The following PTK2 variants were observed in gnomAD, a reference collection of about 807,000 sequenced individuals.
The protein encoded by PTK2 is focal adhesion kinase 1.
PTK2 carries 45 observed loss-of-function variants against 150.1 expected under a neutral mutation model. The ratio of observed to expected loss-of-function variants is 0.30; its 90% CI spans 0.24 to 0.38. The LOEUF (loss-of-function observed/expected upper bound fraction) is 0.38, where lower values mean the gene tolerates loss of function less well. PTK2 is among the 10% of genes least tolerant of loss of function. PTK2 has a pLI of 1.00. For synonymous variants in PTK2, 432 were observed against 449.2 expected (o/e 0.96, Z 0.48); for missense variants, 919 against 1,307.3 (o/e 0.70, Z 4.58).
At chr8:140,897,504 CTG>C (rs2100156775) in intron 2 of PTK2, among the ~76,000 whole-genome samples, 1 of 152,198 alleles carries the variant, frequency 6.6e-6, no homozygotes, top group Non-Finnish European at 1.5e-5. Flanking sequence ...CCGGGAAGGT[CTG>C]TGTCTGATGC....
chr8:140,677,553 A>G (rs1164706561), intron 27 of PTK2, among the ~76,000 whole-genome samples: 1 of 152,252 alleles, frequency 6.6e-6, no homozygotes, highest in East Asian at 1.9e-4. Flanking sequence ...AAAATAATGA[A>G]CTGGCTAATA....
intron 5 of PTK2, 99 bp downstream of exon 5, chr8:140,864,213 C>A: frequency 1.5e-6 from 1 of 649,860 alleles, no homozygotes; most frequent in South Asian, 3.7e-5. Context: ...ATTTCTATTC[C>A]TCCAAACGTG....
chr8:140,738,173 A>T (rs908440130), intron 21 of PTK2, among the ~76,000 whole-genome samples: 2 of 152,190 alleles, frequency 1.3e-5, no homozygotes, highest in African/African-American at 4.8e-5. Context: ...GTGGTATGAC[A>T]AAGAGAGAAA....
At position 140,752,427 on chromosome 8, in the gene PTK2, A is replaced by C. The variant is rs1392108995; in HGVS notation, c.1333-111T>G. 3 of 858,354 alleles carry C rather than the reference A, an allele frequency of 3.5e-6. No homozygotes were observed. In the East Asian group the frequency reaches 7.7e-5, roughly 22 times the overall value. 53.2% of individuals were successfully genotyped at this position (858,354 alleles called of 1,614,324 possible). A position where few individuals can be genotyped will look rare whatever the true frequency, so the allele number is the denominator to read the frequency against. ...ACTATGTGGGTTATGGACCAGACAGAATCAGAACGGCAAAATCTCAAGAAT... is the reference window on the plus strand; with the variant it reads ...ACTATGTGGGTTATGGACCAGACAGCATCAGAACGGCAAAATCTCAAGAAT... On this transcript the variant is annotated intron_variant, in intron 16 of 31. Coordinates refer to ENST00000522684, the Ensembl canonical transcript of PTK2.
intron 1 of PTK2, among the ~76,000 whole-genome samples, chr8:140,930,148 A>C (rs921452873): frequency 6.6e-6 from 1 of 152,200 alleles, no homozygotes; most frequent in Non-Finnish European, 1.5e-5. Flanking sequence ...ATACTGAAAC[A>C]CTGTTAACAG....
intron 12 of PTK2, among the ~76,000 whole-genome samples, chr8:140,797,970 T>C (rs1022663622): frequency 6.6e-6 from 1 of 152,128 alleles, no homozygotes; most frequent in East Asian, 1.9e-4. Flanking sequence ...AAGCACTTTA[T>C]AAATCCAAAG....
intron 29 of PTK2, chr8:140,670,343 G>C (rs1168543817): frequency 6.6e-6 from 1 of 151,278 alleles, no homozygotes; most frequent in East Asian, 1.9e-4. Flanking sequence ...TGTAATCCCA[G>C]CTACTCGGGA....
In PTK2 at chr8:140,813,463, G is replaced by T. The variant is rs192836713; in HGVS notation, c.867+4814C>A. 4.6e-5 allele frequency among the ~76,000 whole-genome samples: 7 copies of T among 150,722 alleles called. No homozygotes were observed. The East Asian group carries it at 1.4e-3, about 29-fold the overall frequency. On this transcript the variant is annotated intron_variant, in intron 10 of 31. Transcript: ENST00000522684. ...TAAACATTCTCTCGGAGCACAGCAC[G>T]GCCAAGTTAAAAATCATGACTGAGA...
intron 27 of PTK2, 90 bp downstream of exon 30, chr8:140,686,542 T>C: frequency 1.0e-6 from 1 of 998,714 alleles, no homozygotes; most frequent in South Asian, 1.4e-5. Context: ...ATTACAAATA[T>C]TAGTAAACTT....
chr8:140,659,719 A>ATT, intron 31 of PTK2, 41 bp from the exon 36 acceptor site: 3 of 1,339,672 alleles, frequency 2.2e-6, no homozygotes, highest in South Asian at 2.6e-5. Flanking sequence ...GTTTTCAGTG[A>ATT]TTTTTTTTTT....
intron 1 of PTK2, among the ~76,000 whole-genome samples, chr8:140,985,289 A>G (rs149864854): frequency 2.4e-4 from 36 of 151,782 alleles, no homozygotes; most frequent in African/African-American, 8.7e-4. Flanking sequence ...ATGCCCAACT[A>G]ATTTTGTTAA....
At chr8:140,902,934 T>TGG (rs2100159202) in intron 2 of PTK2, among the ~76,000 whole-genome samples, 1 of 134,196 alleles carries the variant, frequency 7.5e-6, no homozygotes, top group Admixed American at 7.6e-5. Context: ...GTTTTTTTTT[T>TGG]TTTTTTTTTT....
intron 7 of PTK2, among the ~76,000 whole-genome samples, chr8:140,836,727 A>G (rs2100118865): frequency 1.3e-5 from 2 of 152,238 alleles, no homozygotes; most frequent in Non-Finnish European, 2.9e-5. Flanking sequence ...TCTTACAGAT[A>G]TCAGATACTA....
At chr8:140,725,359 A>G (rs930602701) in intron 22 of PTK2, among the ~76,000 whole-genome samples, 1 of 143,740 alleles carries the variant, frequency 7.0e-6, no homozygotes, top group African/African-American at 2.6e-5. Flanking sequence ...TATTTGACCA[A>G]CCCTCTTGCA....
At chr8:140,679,226 T>C (rs987138044) in intron 27 of PTK2, among the ~76,000 whole-genome samples, 1 of 151,784 alleles carries the variant, frequency 6.6e-6, no homozygotes, top group Admixed American at 6.6e-5. Flanking sequence ...GGTTTCACTA[T>C]GTGGGCCAGG....
chr8:140,994,904 GAGAAACCCCATCTCTACTAAA>G (rs931169820), intron 1 of PTK2, among the ~76,000 whole-genome samples: 7 of 152,036 alleles, frequency 4.6e-5, no homozygotes, highest in African/African-American at 1.7e-4. Context: ...GACCAACATG[GAGAAACCCCATCTCTACTAAA>G]AATACAAAAT....
At chr8:140,756,980 C>T (rs1208006099) in intron 16 of PTK2, among the ~76,000 whole-genome samples, 1 of 149,864 alleles carries the variant, frequency 6.7e-6, no homozygotes, top group African/African-American at 2.5e-5. Flanking sequence ...CAGAGCGATA[C>T]TCCGTCTCAA....
intron 4 of PTK2, among the ~76,000 whole-genome samples, chr8:140,865,028 A>G (rs1274795097): frequency 2.6e-5 from 4 of 152,204 alleles, no homozygotes; most frequent in African/African-American, 9.7e-5. Context: ...AACTCCCACC[A>G]ACAGCATGGG....
chr8:140,717,607 T>C (rs2100040461), exon 23 of PTK2: 2 of 1,613,062 alleles, frequency 1.2e-6, no homozygotes, highest in Non-Finnish European at 1.7e-6. Context: ...CCTTGGGCGG[T>C]GCTTCATCAG....
Sources: allele counts gnomAD v4.1 joint callset (sites outside exome capture counted in the v4.1 genomes callset), GRCh38; gene constraint gnomAD v4.1.1; transcripts MANE v1.5; gene names NCBI Gene and HGNC (gene_info 2026-07-23, HGNC 2026-07-21).